The following C10orf90 variants were observed in gnomAD, a reference collection of about 807,000 sequenced individuals.
C10orf90 encodes (E2-independent) E3 ubiquitin-conjugating enzyme FATS.
Under a neutral mutation model 62.5 loss-of-function variants are expected in C10orf90, and 56 were observed. That is an observed-to-expected ratio of 0.90 (90% CI 0.72 to 1.12). The LOEUF is 1.12. Ranked by LOEUF, C10orf90 falls within the 50% of genes most tolerant of loss-of-function variation. The probability of loss-of-function intolerance (pLI) is 0.00; values close to 1 mark genes in which losing one functional copy is unlikely to be tolerated. For synonymous variants in C10orf90, 386 were observed against 340.4 expected (o/e 1.13, Z -1.47); for missense variants, 970 against 880.4 (o/e 1.10, Z -1.29).
intron 1 of C10orf90, among the ~76,000 whole-genome samples, chr10:126,655,534 A>G (rs1846375698): frequency 6.6e-6 from 1 of 152,200 alleles, no homozygotes; most frequent in South Asian, 2.1e-4. Context: ...GCAAAGTACA[A>G]TAAAGTAAAG....
At chr10:126,656,403 A>C (rs1322075057) in intron 1 of C10orf90, among the ~76,000 whole-genome samples, 2 of 152,196 alleles carry the variant, frequency 1.3e-5, no homozygotes, top group East Asian at 3.9e-4. Context: ...TCCATTTTAC[A>C]TGTGAGGCAA....
intron 2 of C10orf90, among the ~76,000 whole-genome samples, chr10:126,607,938 A>G (rs1405170262): frequency 6.6e-6 from 1 of 152,252 alleles, no homozygotes; most frequent in Non-Finnish European, 1.5e-5. Flanking sequence ...TAGAATAGTG[A>G]AAATCATGAG....
intron 4 of C10orf90, among the ~76,000 whole-genome samples, chr10:126,474,912 A>T (rs950934704): frequency 6.6e-6 from 1 of 152,210 alleles, no homozygotes; most frequent in Non-Finnish European, 1.5e-5. Context: ...TCAGCAAGTA[A>T]GCCAAGGGCA....
At chr10:126,479,779 G>A (rs1185912440) in intron 4 of C10orf90, among the ~76,000 whole-genome samples, 2 of 152,210 alleles carry the variant, frequency 1.3e-5, no homozygotes, top group South Asian at 2.1e-4. Context: ...GAAAACATAT[G>A]TATTGTTTCT....
intron 2 of C10orf90, among the ~76,000 whole-genome samples, chr10:126,640,104 A>G (rs1016050189): frequency 6.6e-6 from 1 of 152,248 alleles, no homozygotes; most frequent in Non-Finnish European, 1.5e-5. Context: ...AGGAAGCAGG[A>G]GTAAATGCGT....
intron 1 of C10orf90, among the ~76,000 whole-genome samples, chr10:126,655,932 C>A (rs972993711): frequency 6.6e-6 from 1 of 151,822 alleles, no homozygotes; most frequent in Admixed American, 6.6e-5. Flanking sequence ...GGGGAGAAGA[C>A]CTTCAGATTT....
intron 2 of C10orf90, among the ~76,000 whole-genome samples, chr10:126,573,900 G>A (rs1241835556): frequency 6.6e-6 from 1 of 152,138 alleles, no homozygotes; most frequent in Non-Finnish European, 1.5e-5. Flanking sequence ...GCAGAGTGAG[G>A]TGAAGATCAG....
chr10:126,489,271 T>G (rs369783018), intron 4 of C10orf90, among the ~76,000 whole-genome samples: 1 of 151,788 alleles, frequency 6.6e-6, no homozygotes, highest in South Asian at 2.1e-4. Flanking sequence ...AGAAAGAAAA[T>G]CCCATTATTA....
intron 7 of C10orf90, among the ~76,000 whole-genome samples, chr10:126,450,751 CAG>C (rs1419399662): frequency 1.3e-5 from 2 of 152,120 alleles, no homozygotes; most frequent in South Asian, 2.1e-4. Flanking sequence ...TAGAAGAAAA[CAG>C]AGGAAAAGCT....
intron 4 of C10orf90, among the ~76,000 whole-genome samples, chr10:126,501,336 T>C (rs573037058): frequency 6.6e-6 from 1 of 152,260 alleles, no homozygotes; most frequent in African/African-American, 2.4e-5. Context: ...TCTTGTCACC[T>C]GAGAAGAAAT....
intron 2 of C10orf90, among the ~76,000 whole-genome samples, chr10:126,592,405 C>T (rs952616637): frequency 3.3e-5 from 5 of 152,134 alleles, no homozygotes; most frequent in African/African-American, 1.2e-4. Context: ...CTAAAACCAT[C>T]TGACCTTTGA....
intron 7 of C10orf90, among the ~76,000 whole-genome samples, chr10:126,451,541 A>C (rs1249228768): frequency 6.6e-6 from 1 of 152,050 alleles, no homozygotes; most frequent in Non-Finnish European, 1.5e-5. Flanking sequence ...GTGTTTTTAT[A>C]AGATGCTTGG....
At chr10:126,505,783 C>T (rs549744786) in intron 3 of C10orf90, among the ~76,000 whole-genome samples, 167 of 152,216 alleles carry the variant, frequency 1.1e-3, no homozygotes, top group African/African-American at 3.7e-3. Context: ...GGAGAAACCC[C>T]GTCTCCACTA....
chr10:126,644,921 T>C (rs925162203), intron 2 of C10orf90, among the ~76,000 whole-genome samples: 7 of 152,358 alleles, frequency 4.6e-5, no homozygotes, highest in South Asian at 4.1e-4. Flanking sequence ...AATGGATTCA[T>C]GTTCTCACTA....
At chr10:126,550,771 A>G (rs534736770) in intron 2 of C10orf90, among the ~76,000 whole-genome samples, 2 of 152,284 alleles carry the variant, frequency 1.3e-5, no homozygotes, top group East Asian at 3.9e-4. Flanking sequence ...CAGCCTCCCA[A>G]AATGCTGGGA....
chr10:126,567,333 T>C (rs991462913), intron 2 of C10orf90, among the ~76,000 whole-genome samples: 4 of 152,026 alleles, frequency 2.6e-5, no homozygotes, highest in African/African-American at 7.2e-5. Context: ...GGGAAGGTGC[T>C]ACACACTTTC....
At chr10:126,518,784 C>A (rs139422426) in intron 2 of C10orf90, among the ~76,000 whole-genome samples, 1 of 152,132 alleles carries the variant, frequency 6.6e-6, no homozygotes, top group Admixed American at 6.5e-5. Flanking sequence ...TCCGCCTGAA[C>A]CACACATCCA....
intron 3 of C10orf90, 70 bp downstream of exon 3, chr10:126,513,778 A>T: frequency 1.1e-6 from 1 of 920,474 alleles, no homozygotes; most frequent in Non-Finnish European, 1.8e-6. Context: ...CATCACAAGT[A>T]GGTCAGTGAT....
intron 4 of C10orf90, among the ~76,000 whole-genome samples, chr10:126,468,291 T>G (rs1860397189): frequency 6.6e-6 from 1 of 152,172 alleles, no homozygotes; most frequent in African/African-American, 2.4e-5. Context: ...ATGGTCTTGA[T>G]CTCTTGACCC....
Sources: gnomAD v4.1 joint callset for allele counts (sites outside exome capture counted in the v4.1 genomes callset) on GRCh38, gnomAD v4.1.1 for gene constraint, MANE v1.5 for transcripts, NCBI Gene and HGNC (gene_info 2026-07-23, HGNC 2026-07-21) for gene names.